Variants in PRDM16 observed in about 807,000 individuals in gnomAD.
PRDM16 encodes histone-lysine N-methyltransferase PRDM16.
PRDM16 carries 23 observed loss-of-function variants against 110.6 expected under a neutral mutation model. The observed-to-expected ratio is 0.21, with a 90% CI of 0.15 to 0.29. PRDM16 has a LOEUF of 0.29. Ranked by LOEUF, PRDM16 falls within the 10% of genes least tolerant of loss-of-function variation. The probability of loss-of-function intolerance (pLI) is 1.00; values close to 1 mark genes in which losing one functional copy is unlikely to be tolerated. For missense variants in PRDM16, 1,615 were observed against 1,794.3 expected (o/e 0.90, Z 1.81); for synonymous variants, 799 against 781.8 (o/e 1.02, Z -0.37).
At chr1:3,329,031 A>G (rs1348054395) in intron 3 of PRDM16, among the ~76,000 whole-genome samples, 1 of 120,164 alleles carries the variant, frequency 8.3e-6, no homozygotes, top group African/African-American at 2.6e-5. Context: ...CCCCCAGGCG[A>G]GGAATGGGCG....
rs191975464 is a variant in PRDM16, at chr1:3,145,644, C to T, written c.38-40481C>T. Among the ~76,000 whole-genome samples, 854 of 152,272 alleles carry T rather than the reference C, an allele frequency of 5.6e-3. 4 individuals carry two copies. The highest frequency in any genetic ancestry group is 8.7e-3 in the Non-Finnish European group (592 of 68,002). ...GCCTCCTGCAGAGATGTGTGTCCTG[C>T]GTGGTCCGTACAGTCAGGACGTGCT... On this transcript the variant is annotated intron_variant, in intron 1 of 16. Coordinates refer to ENST00000270722, the MANE Select transcript of PRDM16 (RefSeq NM_022114.4).
intron 1 of PRDM16, among the ~76,000 whole-genome samples, chr1:3,130,934 G>T (rs549222353): frequency 2.5e-4 from 38 of 152,246 alleles, no homozygotes; most frequent in African/African-American, 8.9e-4. Context: ...GCCCTGTTCA[G>T]GTTAGGTGTG....
chr1:3,422,707 A>C (rs763075825), intron 12 of PRDM16, among the ~76,000 whole-genome samples: 1 of 152,154 alleles, frequency 6.6e-6, no homozygotes, highest in African/African-American at 2.4e-5. Flanking sequence ...GCACCCAAGC[A>C]TCTCCAACCC....
At chr1:3,177,326 G>A (rs72846841) in intron 1 of PRDM16, among the ~76,000 whole-genome samples, 9,393 of 152,226 alleles carry the variant, frequency 0.062, 409 homozygotes, top group East Asian at 0.2. Flanking sequence ...GGCCCTTACT[G>A]ACTGCCAGGA....
chr1:3,311,483 C>T (rs931708417), intron 3 of PRDM16, among the ~76,000 whole-genome samples: 2 of 152,234 alleles, frequency 1.3e-5, no homozygotes, highest in African/African-American at 4.8e-5. Flanking sequence ...GCAGGCAAAT[C>T]TCAGGGTAGC....
rs561862794 is a variant in PRDM16 at position 3,218,898 on chromosome 1, G to A, written c.388-25189G>A. Among the ~76,000 whole-genome samples, 82 of 152,308 alleles carry A rather than the reference G, an allele frequency of 5.4e-4. 1 individual carries two copies. The highest frequency in any genetic ancestry group is 2.0e-3 in the Admixed American group (31 of 15,308). On this transcript the variant is annotated intron_variant, in intron 2 of 16. Coordinates refer to ENST00000270722, the MANE Select transcript of PRDM16 (RefSeq NM_022114.4). The stretch of plus-strand genomic sequence containing the variant: ...TGGAGACGTGTTCTCCCTCTTCCCT[G>A]CAAAGAGCTTTCTCACAGCTCACCC...
Position 3,080,017 on chromosome 1 carries a change from G to A in PRDM16, c.37+10721G>A, listed in dbSNP as rs911004521. Reference sequence around the variant, plus strand: ...CCCGGCCCAAAGCTGTTCTGCAGCTGGTCACTGTGGGAGAAGAGACTGGAA... The same window carrying A: ...CCCGGCCCAAAGCTGTTCTGCAGCTAGTCACTGTGGGAGAAGAGACTGGAA... On this transcript the variant is annotated intron_variant, in intron 1 of 16. Transcript: ENST00000270722. This position sits in a 1 kb window ranked among gnomAD's most constrained non-coding sequence, Gnocchi z 5.2. 6.6e-6 allele frequency among the ~76,000 whole-genome samples: 1 copy of A among 152,202 alleles called. No individual in the cohort carries two copies. Among genetic ancestry groups the A allele is most frequent in the Non-Finnish European group, 1.5e-5 (1 of 68,036 alleles).
At chr1:3,103,446 G>A (rs1392545380) in intron 1 of PRDM16, among the ~76,000 whole-genome samples, 4 of 152,348 alleles carry the variant, frequency 2.6e-5, no homozygotes, top group East Asian at 3.9e-4. Flanking sequence ...CCTGGGGTTA[G>A]GGCTTCGCCT....
chr1:3,269,103 G>T (rs998059775), intron 3 of PRDM16, among the ~76,000 whole-genome samples: 13 of 152,364 alleles, frequency 8.5e-5, no homozygotes, highest in Admixed American at 8.5e-4. Context: ...GTGGGCTTTG[G>T]GATGGGCTTT....
chr1:3,297,069 G>A (rs953814976), intron 3 of PRDM16, among the ~76,000 whole-genome samples: 1 of 152,174 alleles, frequency 6.6e-6, no homozygotes. Flanking sequence ...CCCTCAGTGT[G>A]CGGTTTCCAC....
intron 2 of PRDM16, among the ~76,000 whole-genome samples, chr1:3,228,650 G>A (rs1402336002): frequency 6.6e-6 from 1 of 152,122 alleles, no homozygotes; most frequent in East Asian, 1.9e-4. Context: ...GCAGGGCTTC[G>A]GCCTGTACAT....
chr1:3,332,427 C>T (rs987187049), intron 3 of PRDM16, among the ~76,000 whole-genome samples: 49 of 130,714 alleles, frequency 3.7e-4, no homozygotes, highest in African/African-American at 1.3e-3. Context: ...GGCCGTGGGG[C>T]GGCTAGGGAG....
chr1:3,198,875 C>T (rs990186999), intron 2 of PRDM16, among the ~76,000 whole-genome samples: 3 of 152,220 alleles, frequency 2.0e-5, no homozygotes, highest in African/African-American at 7.2e-5. Flanking sequence ...TACGTCCACT[C>T]CGTTCCCATT....
At chr1:3,217,580 T>C (rs960058852) in intron 2 of PRDM16, among the ~76,000 whole-genome samples, 1 of 152,122 alleles carries the variant, frequency 6.6e-6, no homozygotes, top group Non-Finnish European at 1.5e-5. Flanking sequence ...CCATGCTGAG[T>C]GCGCTGGCCT....
In PRDM16 at chr1:3,382,164, G is replaced by C. The variant is rs534842122; in HGVS notation, c.439-2988G>C. 6.6e-6 allele frequency among the ~76,000 whole-genome samples: 1 copy of C among 152,218 alleles called. No homozygotes were observed. The highest frequency in any genetic ancestry group is 6.5e-5 in the Admixed American group (1 of 15,288). ...TGTGCCTGGGGAGGGGCCTCACCAC[G>C]TGGGGCTGGTGGCCCTGGGTCTGCA... On this transcript the variant is annotated intron_variant, in intron 3 of 16. Transcript: ENST00000270722. The surrounding 1 kb of genome is among the most constrained non-coding windows in gnomAD (Gnocchi z 6.6).
At chr1:3,119,464 T>C (rs1643042441) in intron 1 of PRDM16, among the ~76,000 whole-genome samples, 1 of 152,146 alleles carries the variant, frequency 6.6e-6, no homozygotes, top group African/African-American at 2.4e-5. Flanking sequence ...TTGGGGGACA[T>C]GGGGGCTGAG....
chr1:3,423,468 C>A (rs922824033), intron 12 of PRDM16, among the ~76,000 whole-genome samples: 1 of 152,152 alleles, frequency 6.6e-6, no homozygotes, highest in Non-Finnish European at 1.5e-5. Context: ...CAGCCCAGGC[C>A]CCTCCTGTAC....
intron 3 of PRDM16, among the ~76,000 whole-genome samples, chr1:3,295,783 C>T (rs1641076402): frequency 6.6e-6 from 1 of 152,148 alleles, no homozygotes; most frequent in African/African-American, 2.4e-5. Context: ...GCTGAAGACA[C>T]CACGCGTGCA....
chr1:3,424,086 C>T (rs989099384), intron 12 of PRDM16, among the ~76,000 whole-genome samples: 2 of 152,218 alleles, frequency 1.3e-5, no homozygotes, highest in Non-Finnish European at 2.9e-5. Context: ...CCGGGTGCCT[C>T]TCAGTAAGCC....
Sources: gnomAD v4.1 joint callset for allele counts (sites outside exome capture counted in the v4.1 genomes callset) on GRCh38, gnomAD v4.1.1 for gene constraint, Gnocchi (gnomAD v3.1) non-coding constraint, MANE v1.5 for transcripts, NCBI Gene and HGNC (gene_info 2026-07-23, HGNC 2026-07-21) for gene names.